Variants in UBA6 observed in about 807,000 individuals in gnomAD.
The protein encoded by UBA6 is ubiquitin like modifier activating enzyme 6.
A neutral mutation model predicts 148.3 loss-of-function variants in UBA6; 87 were observed. The observed-to-expected ratio is 0.59, with a 90% confidence interval of 0.49 to 0.70. The LOEUF is 0.70. UBA6 is among the 30% of genes least tolerant of loss of function. UBA6 has a pLI of 0.00. For missense variants in UBA6, 1,186 were observed against 1,241.2 expected (o/e 0.96, Z 0.67); for synonymous variants, 376 against 401.0 (o/e 0.94, Z 0.75).
intron 1 of UBA6, among the ~76,000 whole-genome samples, chr4:67,697,691 T>C (rs1190906231): frequency 6.6e-6 from 1 of 152,230 alleles, no homozygotes; most frequent in Non-Finnish European, 1.5e-5. Flanking sequence ...CTGTTAGCTC[T>C]ACCTTCATAA....
chr4:67,634,610 A>C, intron 20 of UBA6, 92 bp from the exon 21 acceptor site: 1 of 804,238 alleles, frequency 1.2e-6, no homozygotes, highest in South Asian at 3.2e-5. Context: ...AGCCTATTAA[A>C]AATCCAAAAA....
At chr4:67,695,347 G>C (rs1730809200) in intron 2 of UBA6, among the ~76,000 whole-genome samples, 1 of 152,128 alleles carries the variant, frequency 6.6e-6, no homozygotes, top group African/African-American at 2.4e-5. Flanking sequence ...TATTTCTTCT[G>C]CTTAGAATGT....
chr4:67,651,670 G>C (rs886945686), intron 13 of UBA6, among the ~76,000 whole-genome samples: 2 of 152,006 alleles, frequency 1.3e-5, no homozygotes, highest in African/African-American at 4.8e-5. Flanking sequence ...TTGAGAAACA[G>C]ACTAAACCTG....
intron 9 of UBA6, among the ~76,000 whole-genome samples, chr4:67,666,766 T>C (rs1270843797): frequency 6.6e-6 from 1 of 151,958 alleles, no homozygotes; most frequent in East Asian, 1.9e-4. Flanking sequence ...TCCCAGTTAC[T>C]TGGGAGGCTG....
In UBA6 at chr4:67,633,330, A is replaced by G; in HGVS notation, c.2142+15T>C. On this transcript the variant is annotated intron_variant, in intron 23 of 32. Coordinates refer to ENST00000322244, the MANE Select transcript of UBA6 (RefSeq NM_018227.6). ...AGATCAGACCTTTTCTTAATGTCTCACAATGCATACTTACCTTATGGTTAA... is the reference window on the plus strand; with the variant it reads ...AGATCAGACCTTTTCTTAATGTCTCGCAATGCATACTTACCTTATGGTTAA... 2 of 1,569,820 alleles carry G rather than the reference A, an allele frequency of 1.3e-6. No homozygotes were observed. The highest frequency in any genetic ancestry group is 2.7e-5 in the African/African-American group (2 of 72,962).
intron 32 of UBA6, among the ~76,000 whole-genome samples, chr4:67,620,065 A>C (rs985723709): frequency 6.6e-6 from 1 of 152,194 alleles, no homozygotes; most frequent in Non-Finnish European, 1.5e-5. Context: ...CATTTCACAA[A>C]GATATTTTGT....
At chr4:67,624,341 G>A (rs1728818646) in intron 29 of UBA6, 88 bp from the exon 30 acceptor site, 2 of 1,277,582 alleles carry the variant, frequency 1.6e-6, no homozygotes, top group Non-Finnish European at 2.1e-6. Context: ...ACGTTTTCAA[G>A]CATTTCTCTG....
At chr4:67,688,196 C>G (rs1730616035) in intron 2 of UBA6, among the ~76,000 whole-genome samples, 3 of 152,122 alleles carry the variant, frequency 2.0e-5, no homozygotes, top group African/African-American at 7.2e-5. Context: ...CAAGGAAGAA[C>G]AGAATAGATA....
chr4:67,672,363 A>C (rs1486282940), intron 7 of UBA6, among the ~76,000 whole-genome samples: 2 of 152,220 alleles, frequency 1.3e-5, no homozygotes, highest in African/African-American at 4.8e-5. Flanking sequence ...CTGCCGCCTA[A>C]GATAATCAGA....
intron 9 of UBA6, among the ~76,000 whole-genome samples, chr4:67,666,683 T>C (rs997743266): frequency 2.0e-5 from 3 of 151,866 alleles, no homozygotes; most frequent in African/African-American, 7.3e-5. Context: ...CGAGACCAGC[T>C]TGGGCAAAAT....
At chr4:67,651,254 C>T (rs566752514) in intron 13 of UBA6, among the ~76,000 whole-genome samples, 1 of 152,114 alleles carries the variant, frequency 6.6e-6, no homozygotes, top group African/African-American at 2.4e-5. Flanking sequence ...ACACAAAAAA[C>T]CTTGAATCAG....
intron 19 of UBA6, 72 bp from the exon 20 acceptor site, chr4:67,635,630 C>A (rs1488882034): frequency 7.9e-6 from 7 of 889,672 alleles, no homozygotes; most frequent in African/African-American, 1.7e-5. Context: ...CAACCTACAA[C>A]TTTCTATTGA....
chr4:67,660,295 A>C (rs936495608), intron 13 of UBA6, among the ~76,000 whole-genome samples: 6 of 152,216 alleles, frequency 3.9e-5, no homozygotes, highest in African/African-American at 1.4e-4. Flanking sequence ...GTCTCCAGGG[A>C]ATGTCAGAGG....
chr4:67,664,986 A>C (rs754876756), intron 10 of UBA6, among the ~76,000 whole-genome samples: 4 of 152,098 alleles, frequency 2.6e-5, no homozygotes, highest in Non-Finnish European at 4.4e-5. Context: ...AAGATGTGTA[A>C]GTTTTTTGTT....
chr4:67,666,395 G>GT (rs1327457543), intron 9 of UBA6, among the ~76,000 whole-genome samples: 1 of 150,246 alleles, frequency 6.7e-6, no homozygotes, highest in Non-Finnish European at 1.5e-5. Context: ...TACTATATAT[G>GT]TGTATATATA....
intron 19 of UBA6, 49 bp from the exon 20 acceptor site, chr4:67,635,607 T>C: frequency 6.0e-6 from 7 of 1,172,796 alleles, no homozygotes; most frequent in South Asian, 2.5e-5. Context: ...GCAATAACAA[T>C]GTAACCAAAG....
chr4:67,663,454 A>T, intron 11 of UBA6: 2 of 398,670 alleles, frequency 5.0e-6, no homozygotes, highest in Non-Finnish European at 8.9e-6. Flanking sequence ...AAATTTGGAA[A>T]CTGTTAGTTC....
chr4:67,698,137 G>A (rs949024442), intron 1 of UBA6, among the ~76,000 whole-genome samples: 5 of 152,046 alleles, frequency 3.3e-5, no homozygotes, highest in East Asian at 1.9e-4. Flanking sequence ...TTAAAATCTC[G>A]GAATAGCTGA....
chr4:67,695,973 C>T (rs1730821912), intron 2 of UBA6, among the ~76,000 whole-genome samples: 2 of 152,158 alleles, frequency 1.3e-5, no homozygotes, highest in African/African-American at 2.4e-5. Flanking sequence ...CAAATCACAA[C>T]TATTCAATCA....
Sources: allele counts gnomAD v4.1 joint callset (sites outside exome capture counted in the v4.1 genomes callset), GRCh38; gene constraint gnomAD v4.1.1; transcripts MANE v1.5; gene names NCBI Gene and HGNC (gene_info 2026-07-23, HGNC 2026-07-21).